The following PID1 variants were observed in gnomAD, a reference collection of about 807,000 sequenced individuals.
PID1 encodes PTB-containing, cubilin and LRP1-interacting protein.
PID1 carries 10 observed loss-of-function variants against 19.1 expected under a neutral mutation model. The observed-to-expected ratio is 0.52, with a 90% CI of 0.32 to 0.89. The LOEUF (loss-of-function observed/expected upper bound fraction) is 0.89. PID1 is among the 40% of genes least tolerant of loss of function. The pLI, the probability that PID1 is intolerant of heterozygous loss-of-function variation, is 0.03. For missense variants in PID1, 248 were observed against 285.3 expected (o/e 0.87, Z 0.94); for synonymous variants, 130 against 116.0 (o/e 1.12, Z -0.78).
In PID1 at chr2:229,180,715, A is replaced by G. The variant is rs369452731; in HGVS notation, c.31-24751T>C. Among the ~76,000 whole-genome samples the G allele has an allele frequency of 2.4e-4, 36 of 152,260 alleles. No homozygotes were observed. The South Asian group carries it at 5.6e-3, about 24-fold the overall frequency. ...CCTGCGGGAACCTTTCCTTTTAATG[A>G]CTTAACGGCTGATTGACACTCAGGA... On this transcript the variant is annotated intron_variant, in intron 1 of 2. Coordinates refer to ENST00000392055, the MANE Select transcript of PID1 (RefSeq NM_001100818.2).
chr2:229,193,383 T>C (rs550454441), intron 1 of PID1, among the ~76,000 whole-genome samples: 4 of 152,316 alleles, frequency 2.6e-5, no homozygotes, highest in African/African-American at 9.6e-5. Flanking sequence ...AAGAAGCTGA[T>C]GCTGCTCTAA....
At position 229,173,459 on chromosome 2, in the gene PID1, C is replaced by T. The variant is rs115093116; in HGVS notation, c.31-17495G>A. Among the ~76,000 whole-genome samples the T allele has an allele frequency of 4.7e-3, 715 of 152,240 alleles. 3 individuals are homozygous for T. The highest frequency in any genetic ancestry group is 0.016 in the African/African-American group (671 of 41,536). ...TGCTCTGATCTATTTTGAATTGAAA[C>T]ACAATAAAGAACCTACCTCTTAAAT... On this transcript the variant is annotated intron_variant, in intron 1 of 2. Transcript: ENST00000392055.
At chr2:229,026,902 G>T (rs1693435877) in intron 2 of PID1, among the ~76,000 whole-genome samples, 1 of 152,196 alleles carries the variant, frequency 6.6e-6, no homozygotes, top group Non-Finnish European at 1.5e-5. Context: ...AATATGCCAA[G>T]AAGGGATTTT....
At chr2:229,030,620 T>C (rs1312892367) in intron 2 of PID1, among the ~76,000 whole-genome samples, 2 of 152,166 alleles carry the variant, frequency 1.3e-5, no homozygotes, top group Non-Finnish European at 2.9e-5. Flanking sequence ...AAAAATTGCA[T>C]ACAGAAATAT....
At chr2:229,131,657 T>C (rs557312829) in intron 2 of PID1, among the ~76,000 whole-genome samples, 13 of 152,332 alleles carry the variant, frequency 8.5e-5, no homozygotes, top group African/African-American at 3.1e-4. Context: ...ATGTCCATTG[T>C]TCCAAAAGTC....
At chr2:229,044,420 C>T (rs1405627489) in intron 2 of PID1, among the ~76,000 whole-genome samples, 3 of 152,036 alleles carry the variant, frequency 2.0e-5, no homozygotes, top group Non-Finnish European at 4.4e-5. Context: ...TGGCCCCTCT[C>T]CCCTGCTTCC....
intron 2 of PID1, among the ~76,000 whole-genome samples, chr2:229,086,469 C>A (rs890334456): frequency 3.9e-5 from 6 of 152,100 alleles, no homozygotes; most frequent in African/African-American, 1.4e-4. Flanking sequence ...TCTACTGAAG[C>A]CATATTGCTT....
chr2:229,072,560 C>A (rs544102204), intron 2 of PID1, among the ~76,000 whole-genome samples: 2 of 151,580 alleles, frequency 1.3e-5, no homozygotes, highest in South Asian at 4.2e-4. Context: ...ATCGCTCCAG[C>A]CTGGGCGACA....
At chr2:229,175,914 C>A (rs1438301292) in intron 1 of PID1, among the ~76,000 whole-genome samples, 1 of 152,148 alleles carries the variant, frequency 6.6e-6, no homozygotes, top group Admixed American at 6.5e-5. Flanking sequence ...TTTTTACAGT[C>A]CAAATGATCT....
chr2:229,120,396 T>C (rs1293571150), intron 2 of PID1, among the ~76,000 whole-genome samples: 1 of 151,858 alleles, frequency 6.6e-6, no homozygotes, highest in Non-Finnish European at 1.5e-5. Context: ...GAAGAGAAAA[T>C]ACATTTACCA....
intron 2 of PID1, among the ~76,000 whole-genome samples, chr2:229,125,543 G>A (rs568721363): frequency 1.3e-5 from 2 of 152,112 alleles, no homozygotes; most frequent in East Asian, 3.9e-4. Context: ...CTGCTGCTTG[G>A]AACATGACAA....
intron 1 of PID1, among the ~76,000 whole-genome samples, chr2:229,237,343 A>G (rs985779477): frequency 6.6e-6 from 1 of 152,232 alleles, no homozygotes; most frequent in African/African-American, 2.4e-5. Flanking sequence ...GGTGGACAAG[A>G]GAAGCAAACA....
chr2:229,063,814 A>T, intron 2 of PID1, among the ~76,000 whole-genome samples: 1 of 152,228 alleles, frequency 6.6e-6, no homozygotes, highest in Middle Eastern at 3.4e-3. Context: ...ATTTGATGTT[A>T]GGTGCATATA....
chr2:229,219,538 G>A (rs1365099176), intron 1 of PID1, among the ~76,000 whole-genome samples: 1 of 152,062 alleles, frequency 6.6e-6, no homozygotes, highest in Non-Finnish European at 1.5e-5. Context: ...GATTTGGGTG[G>A]GGACACAGCC....
At chr2:229,176,724 T>C (rs1690831876) in intron 1 of PID1, among the ~76,000 whole-genome samples, 1 of 152,192 alleles carries the variant, frequency 6.6e-6, no homozygotes, top group Admixed American at 6.5e-5. Context: ...ATATGCTTTC[T>C]CCTTCACCAT....
At chr2:229,068,876 C>T (rs1208145338) in intron 2 of PID1, among the ~76,000 whole-genome samples, 2 of 152,140 alleles carry the variant, frequency 1.3e-5, no homozygotes, top group Non-Finnish European at 2.9e-5. Flanking sequence ...GCAATCCAAC[C>T]CAGGACCAAT....
intron 2 of PID1, among the ~76,000 whole-genome samples, chr2:229,072,594 GAAA>G (rs71043088): frequency 2.2e-5 from 3 of 136,298 alleles, no homozygotes. Flanking sequence ...TCTCAAAAAA[GAAA>G]AAAAAAAAAA....
At chr2:229,257,912 C>G (rs1453635576) in intron 1 of PID1, among the ~76,000 whole-genome samples, 1 of 152,230 alleles carries the variant, frequency 6.6e-6, no homozygotes, top group Non-Finnish European at 1.5e-5. Context: ...TTACTTTAAT[C>G]CACAAACTAG....
intron 2 of PID1, among the ~76,000 whole-genome samples, chr2:229,057,514 T>C (rs1378938936): frequency 6.6e-6 from 1 of 151,624 alleles, no homozygotes. Flanking sequence ...AGCTACTGCA[T>C]TTTGCCTTAT....
Sources: gnomAD v4.1 joint callset for allele counts (sites outside exome capture counted in the v4.1 genomes callset) on GRCh38, gnomAD v4.1.1 for gene constraint, MANE v1.5 for transcripts, NCBI Gene and HGNC (gene_info 2026-07-23, HGNC 2026-07-21) for gene names.